Variants in UFM1 observed in about 807,000 individuals in gnomAD.
The protein encoded by UFM1 is ubiquitin fold modifier 1.
A neutral mutation model predicts 15.4 loss-of-function variants in UFM1; 9 were observed. The ratio of observed to expected loss-of-function variants is 0.59; its 90% CI spans 0.35 to 1.02. UFM1 has a LOEUF of 1.02. Ranked by LOEUF, UFM1 falls within the 50% of genes least tolerant of loss-of-function variation. The pLI is 0.02. For missense variants in UFM1, 98 were observed against 104.7 expected (o/e 0.94, Z 0.28); for synonymous variants, 27 against 36.3 (o/e 0.74, Z 0.92).
In UFM1 at chr13:38,358,133, G is replaced by A; in HGVS notation, c.157+1G>A. The A allele has an allele frequency of 6.9e-7, 1 of 1,446,366 alleles. No individual in the cohort carries two copies. Among genetic ancestry groups the A allele is most frequent in the Non-Finnish European group, 9.2e-7 (1 of 1,085,186 alleles). 89.6% of individuals were successfully genotyped at this position (1,446,366 alleles called of 1,614,324 possible). Reference sequence around the variant, plus strand: ...GCAACAAGTGCAATTATTACCAATGGTAAGAATTCACTATAAAATTATGTA... The same window carrying A: ...GCAACAAGTGCAATTATTACCAATGATAAGAATTCACTATAAAATTATGTA... On this transcript the variant is annotated splice_donor_variant, in intron 4 of 5. Coordinates refer to ENST00000239878, the MANE Select transcript of UFM1 (RefSeq NM_016617.4). LOFTEE classifies it high-confidence loss of function.
chr13:38,356,315 C>CT (rs769659819), intron 3 of UFM1, among the ~76,000 whole-genome samples: 20 of 151,812 alleles, frequency 1.3e-4, no homozygotes, highest in Non-Finnish European at 2.7e-4. Flanking sequence ...TTGTAGTACT[C>CT]TAGCTTTGGA....
intron 2 of UFM1, 54 bp from the exon 3 acceptor site, chr13:38,354,185 C>CT: frequency 6.4e-7 from 1 of 1,567,554 alleles, no homozygotes; most frequent in Admixed American, 1.7e-5. Flanking sequence ...AACAAAGGGG[C>CT]TTTTTTAGAA....
Position 38,362,359 on chromosome 13 carries a change from T to C in UFM1, c.*1581T>C, listed in dbSNP as rs1473346912. On this transcript the variant is annotated 3_prime_UTR_variant, in exon 6 of 6. Coordinates refer to ENST00000239878, the MANE Select transcript of UFM1 (RefSeq NM_016617.4). ...TGTTTATGAAATTACCAGATATTCA[T>C]AAATGTGACAAATGAACAGCAGGAT... 6.6e-6 allele frequency: 1 copy of C among 152,168 alleles called. No homozygotes were observed. The highest frequency in any genetic ancestry group is 2.4e-5 in the African/African-American group (1 of 41,438). The allele number at this position is 152,168 out of a possible 1,614,324, so 9.4% of individuals were successfully genotyped here. A position where few individuals can be genotyped will look rare whatever the true frequency, so the allele number is the denominator to read the frequency against.
chr13:38,354,813 A>C (rs1413067444), intron 3 of UFM1: 2 of 152,036 alleles, frequency 1.3e-5, no homozygotes, highest in African/African-American at 4.8e-5. Flanking sequence ...TATTAGAAAT[A>C]TCTATAATGC....
rs1257666014 is a variant in UFM1, at chr13:38,360,768, G to A, written c.248G>A (p.Gly83Glu). The A allele has an allele frequency of 1.2e-6, 2 of 1,607,656 alleles. No individual in the cohort carries two copies. Among genetic ancestry groups the A allele is most frequent in the Non-Finnish European group, 8.5e-7 (1 of 1,177,210 alleles). ...ELRIIPRDRV[G>E]SC ...CGGATTATTCCTAGAGATCGTGTTGGAAGTTGTTAATATCTGCTACTTGGA... is the reference window on the plus strand; with the variant it reads ...CGGATTATTCCTAGAGATCGTGTTGAAAGTTGTTAATATCTGCTACTTGGA... The change falls in exon 6 of 6, where the codon GGA (glycine) becomes GAA (glutamate). Residue 83 changes from glycine (G) to glutamate (E), a missense_variant. Physicochemically the swap from Gly to Glu is moderately conservative, Grantham distance 98 (BLOSUM62 -2). Transcript: ENST00000239878.
At chr13:38,357,611 A>G (rs145986681) in intron 3 of UFM1, among the ~76,000 whole-genome samples, 73 of 152,006 alleles carry the variant, frequency 4.8e-4, no homozygotes, top group African/African-American at 1.6e-3. Context: ...GAAAATCTGC[A>G]TAAAACTTTT....
At chr13:38,354,071 T>A (rs933801430) in intron 2 of UFM1, among the ~76,000 whole-genome samples, 168 bp from the exon 3 acceptor site, 1 of 152,068 alleles carries the variant, frequency 6.6e-6, no homozygotes, top group Non-Finnish European at 1.5e-5. Flanking sequence ...GTTATTATTA[T>A]TATTATTATT....
rs2140068251 is a variant in UFM1 at position 38,363,447 on chromosome 13, T to G, written c.*2669T>G. 1 of 151,662 alleles carries G rather than the reference T, an allele frequency of 6.6e-6. No homozygotes were observed. The highest frequency in any genetic ancestry group is 2.1e-4 in the South Asian group (1 of 4,788). 9.4% of individuals were successfully genotyped at this position (151,662 alleles called of 1,614,324 possible). A position where few individuals can be genotyped will look rare whatever the true frequency, so the allele number is the denominator to read the frequency against. ...CATTTCTCAGAATTTGTTCCTGTGA[T>G]TCAGTGATACATAACAGTACTTGCA... On this transcript the variant is annotated 3_prime_UTR_variant, in exon 6 of 6. Coordinates refer to ENST00000239878, the MANE Select transcript of UFM1 (RefSeq NM_016617.4).
rs1226070919 is a variant in UFM1 at position 38,362,295 on chromosome 13, A to G, written c.*1517A>G. The G allele has an allele frequency of 6.6e-6, 1 of 152,214 alleles. No homozygotes were observed. The highest frequency in any genetic ancestry group is 1.5e-5 in the Non-Finnish European group (1 of 68,042). The allele number at this position is 152,214 out of a possible 1,614,324, so 9.4% of individuals were successfully genotyped here. ...TCATTGGGGGAAAAAAAATAAGAAG[A>G]TTCAACAGAATCAGCATTTGAAGTG... On this transcript the variant is annotated 3_prime_UTR_variant, in exon 6 of 6. Transcript: ENST00000239878.
At chr13:38,355,200 C>T (rs566965385) in intron 3 of UFM1, among the ~76,000 whole-genome samples, 79 of 152,182 alleles carry the variant, frequency 5.2e-4, no homozygotes, top group African/African-American at 1.6e-3. Context: ...CTGTACTTCA[C>T]TGATTTATGG....
chr13:38,359,368 G>GC, intron 5 of UFM1, 35 bp downstream of exon 5: 1 of 1,606,138 alleles, frequency 6.2e-7, no homozygotes, highest in Non-Finnish European at 8.5e-7. Context: ...GAGTGGGTGG[G>GC]GTTATATATG....
chr13:38,358,788 C>CT (rs1879241020), intron 4 of UFM1, among the ~76,000 whole-genome samples: 2 of 152,048 alleles, frequency 1.3e-5, no homozygotes, highest in African/African-American at 4.8e-5. Flanking sequence ...ATTTCTCACT[C>CT]TAAAATATTC....
chr13:38,360,625 A>G (rs1879325945), intron 5 of UFM1, 86 bp from the exon 6 acceptor site: 4 of 1,058,720 alleles, frequency 3.8e-6, no homozygotes, highest in Non-Finnish European at 5.5e-6. Context: ...TGTTTACTAA[A>G]TCATTTATTA....
chr13:38,350,363 C>T, intron 2 of UFM1: 1 of 940,808 alleles, frequency 1.1e-6, no homozygotes, highest in Non-Finnish European at 1.6e-6. Context: ...GGACCAGGTT[C>T]TGGTAATTTG....
chr13:38,355,907 C>T (rs1183258243), intron 3 of UFM1, among the ~76,000 whole-genome samples: 1 of 151,702 alleles, frequency 6.6e-6, no homozygotes, highest in Non-Finnish European at 1.5e-5. Flanking sequence ...CGTAAAATTG[C>T]CTTAGTAAGC....
At chr13:38,356,916 G>C (rs1476967494) in intron 3 of UFM1, among the ~76,000 whole-genome samples, 1 of 151,842 alleles carries the variant, frequency 6.6e-6, no homozygotes, top group East Asian at 1.9e-4. Context: ...TGCATAAACT[G>C]TGAAGACATA....
chr13:38,359,838 AAGT>A (rs1262800120), intron 5 of UFM1: 3 of 173,716 alleles, frequency 1.7e-5, no homozygotes, highest in Non-Finnish European at 3.7e-5. Flanking sequence ...GACAGGGTAA[AAGT>A]AGTCTCATAC....
chr13:38,354,354 T>C (rs1879001442), intron 3 of UFM1, 58 bp downstream of exon 3: 4 of 1,507,818 alleles, frequency 2.7e-6, no homozygotes, highest in Non-Finnish European at 3.7e-6. Flanking sequence ...ATGCTTCAAA[T>C]GTCTTTAAGA....
intron 3 of UFM1, 61 bp downstream of exon 3, chr13:38,354,357 C>G: frequency 6.8e-7 from 1 of 1,476,928 alleles, no homozygotes. Flanking sequence ...CTTCAAATGT[C>G]TTTAAGAGTT....
Sources: gnomAD v4.1 joint callset for allele counts (sites outside exome capture counted in the v4.1 genomes callset) on GRCh38, gnomAD v4.1.1 for gene constraint, MANE v1.5 for transcripts, NCBI Gene and HGNC (gene_info 2026-07-23, HGNC 2026-07-21) for gene names.